The following VBP1 variants were observed in gnomAD, a reference collection of about 807,000 sequenced individuals.
VBP1 encodes VHL binding protein 1.
In VBP1, 4 loss-of-function variants were observed where a neutral mutation model predicts 15.5. The ratio of observed to expected loss-of-function variants is 0.26; its 90% CI spans 0.13 to 0.59. The LOEUF (loss-of-function observed/expected upper bound fraction) is 0.59, where lower values mean the gene tolerates loss of function less well. Among genes scored for constraint, VBP1 ranks in the 20% least tolerant of loss-of-function variants. The pLI is 0.90. For synonymous variants in VBP1, 61 were observed against 52.1 expected, an observed-to-expected ratio of 1.17 and a Z score of -0.74; for missense variants, 108 against 139.6, an observed-to-expected ratio of 0.77 and a Z score of 1.14.
upstream of VBP1, among the ~76,000 whole-genome samples, chrX:155,214,289 T>C (rs1602875624): frequency 8.9e-6 from 1 of 112,592 alleles, no homozygotes; most frequent in Non-Finnish European, 1.9e-5. Context: ...AGTTCATCAA[T>C]TGCAACTGTA....
intron 3 of VBP1, among the ~76,000 whole-genome samples, chrX:155,227,868 A>C (rs1557310388): frequency 8.9e-6 from 1 of 112,599 alleles, no homozygotes; most frequent in Non-Finnish European, 1.9e-5. Flanking sequence ...TCTCATAAGC[A>C]TATTGTATTT....
chrX:155,237,517 T>C (rs1367909099), intron 5 of VBP1, among the ~76,000 whole-genome samples: 6 of 111,537 alleles, frequency 5.4e-5, no homozygotes, highest in African/African-American at 1.6e-4. Flanking sequence ...GATATACATA[T>C]AGGCACTCTT....
At chrX:155,221,305 C>T (rs1569560920) in intron 2 of VBP1, among the ~76,000 whole-genome samples, 1 of 111,255 alleles carries the variant, frequency 9.0e-6, no homozygotes, top group Non-Finnish European at 1.9e-5. Flanking sequence ...GCACTCCAGC[C>T]TGGGCAACAG....
chrX:155,216,895 T>A (rs2074667719), intron 1 of VBP1, among the ~76,000 whole-genome samples: 1 of 112,226 alleles, frequency 8.9e-6, no homozygotes, highest in African/African-American at 3.2e-5. Flanking sequence ...GTCCCCCTGC[T>A]GGTTGGAAAA....
At chrX:155,224,177 G>A (rs2074707545) in intron 2 of VBP1, among the ~76,000 whole-genome samples, 2 of 112,511 alleles carry the variant, frequency 1.8e-5, no homozygotes, top group Admixed American at 1.9e-4. Context: ...AGGCAGAGAC[G>A]CTCCTCACTT....
intron 4 of VBP1, among the ~76,000 whole-genome samples, chrX:155,230,471 A>G (rs1453445980): frequency 9.0e-6 from 1 of 111,432 alleles, no homozygotes; most frequent in Non-Finnish European, 1.9e-5. Flanking sequence ...ACCCATAATA[A>G]TACCCTAATT....
At chrX:155,220,906 C>T (rs2074686345) in intron 2 of VBP1, among the ~76,000 whole-genome samples, 1 of 112,087 alleles carries the variant, frequency 8.9e-6, no homozygotes, top group African/African-American at 3.2e-5. Flanking sequence ...AACAAGGACA[C>T]AGGACTGGGC....
At chrX:155,232,273 A>C in intron 4 of VBP1, among the ~76,000 whole-genome samples, 1 of 103,756 alleles carries the variant, frequency 9.6e-6, no homozygotes, top group Non-Finnish European at 2.0e-5. Flanking sequence ...TATATTATGT[A>C]TTTCGGATGC....
At chrX:155,204,065 A>G (rs2074617503) in intron 1 of VBP1, among the ~76,000 whole-genome samples, 1 of 112,090 alleles carries the variant, frequency 8.9e-6, no homozygotes, top group Non-Finnish European at 1.9e-5. Context: ...AGCTTGTTTT[A>G]TTTAGGCTCT....
At chrX:155,204,431 G>C (rs1268982845) in intron 1 of VBP1, among the ~76,000 whole-genome samples, 1 of 111,964 alleles carries the variant, frequency 8.9e-6, no homozygotes, top group Non-Finnish European at 1.9e-5. Flanking sequence ...AGAATTACAG[G>C]TGTGAGGCAC....
At chrX:155,206,313 A>G (rs782108687) in intron 1 of VBP1, among the ~76,000 whole-genome samples, 4 of 109,300 alleles carry the variant, frequency 3.7e-5, no homozygotes, top group Non-Finnish European at 5.7e-5. Flanking sequence ...GACTCACTGC[A>G]AGCTCCGCCC....
chrX:155,207,079 C>T (rs1347030297), intron 1 of VBP1, among the ~76,000 whole-genome samples: 1 of 111,332 alleles, frequency 9.0e-6, no homozygotes, highest in Non-Finnish European at 1.9e-5. Context: ...GGTTAGGCAT[C>T]AGTAACCAAA....
At chrX:155,234,423 C>T (rs2074762139) in intron 4 of VBP1, among the ~76,000 whole-genome samples, 1 of 110,901 alleles carries the variant, frequency 9.0e-6, no homozygotes, top group African/African-American at 3.3e-5. Flanking sequence ...CCTGGCCCCC[C>T]TGTTTCTTCT....
chrX:155,198,436 AG>A (rs2074587290), intron 1 of VBP1, among the ~76,000 whole-genome samples: 1 of 111,793 alleles, frequency 8.9e-6, no homozygotes, highest in African/African-American at 3.2e-5. Context: ...GTCAGACAGC[AG>A]CATTCGCAGT....
chrX:155,221,518 A>C (rs1305600117), intron 2 of VBP1, among the ~76,000 whole-genome samples: 5 of 111,566 alleles, frequency 4.5e-5, no homozygotes, highest in Middle Eastern at 4.6e-3. Context: ...AACAAACCAC[A>C]CAAAAAACTA....
At chrX:155,228,698 C>T (rs952978990) in intron 4 of VBP1, among the ~76,000 whole-genome samples, 45 of 111,866 alleles carry the variant, frequency 4.0e-4, no homozygotes, top group African/African-American at 1.4e-3. Context: ...ATGAAGATCG[C>T]AGTAAAAACA....
intron 4 of VBP1, among the ~76,000 whole-genome samples, chrX:155,230,192 GAC>G (rs1266631028): frequency 1.8e-5 from 2 of 111,289 alleles, no homozygotes; most frequent in Non-Finnish European, 3.8e-5. Context: ...GGTGTTCGCG[GAC>G]AGTCTTTGGC....
intron 1 of VBP1, among the ~76,000 whole-genome samples, chrX:155,201,139 G>A (rs1389067651): frequency 9.1e-6 from 1 of 110,340 alleles, no homozygotes; most frequent in East Asian, 2.8e-4. Context: ...ACCAAAAAGA[G>A]TCCAGGACCA....
intron 1 of VBP1, among the ~76,000 whole-genome samples, chrX:155,197,785 G>A (rs923910872): frequency 8.9e-6 from 1 of 112,289 alleles, no homozygotes; most frequent in Non-Finnish European, 1.9e-5. Flanking sequence ...CGCACTGTGC[G>A]CAAGCCGAAG....
Sources: allele counts gnomAD v4.1 joint callset (sites outside exome capture counted in the v4.1 genomes callset), GRCh38; gene constraint gnomAD v4.1.1; transcripts MANE v1.5; gene names NCBI Gene and HGNC (gene_info 2026-07-23, HGNC 2026-07-21).